Variants in ARHGAP26 observed in about 807,000 individuals in gnomAD.
ARHGAP26 encodes the protein rho GTPase-activating protein 26.
Under a neutral mutation model 104.8 loss-of-function variants are expected in ARHGAP26, and 38 were observed. That is an observed-to-expected ratio of 0.36 (90% confidence interval 0.28 to 0.48). The LOEUF (loss-of-function observed/expected upper bound fraction) is 0.48, where lower values mean the gene tolerates loss of function less well. ARHGAP26 is among the 20% of genes least tolerant of loss of function. The pLI, the probability that ARHGAP26 is intolerant of heterozygous loss-of-function variation, is 0.99. For synonymous variants in ARHGAP26, 341 were observed against 340.0 expected, an observed-to-expected ratio of 1.00 and a Z score of -0.03; for missense variants, 704 against 947.9, an observed-to-expected ratio of 0.74 and a Z score of 3.38.
intron 12 of ARHGAP26, among the ~76,000 whole-genome samples, chr5:143,028,003 G>C (rs201138665): frequency 6.6e-6 from 1 of 152,172 alleles, no homozygotes; most frequent in African/African-American, 2.4e-5. Flanking sequence ...ACAGCCCCCA[G>C]TTCCTTTCTG....
At chr5:142,914,950 A>G (rs1762287035) in intron 10 of ARHGAP26, among the ~76,000 whole-genome samples, 2 of 152,182 alleles carry the variant, frequency 1.3e-5, no homozygotes, top group Admixed American at 6.5e-5. Context: ...CCTAGAGATA[A>G]CCGTCTGCTG....
intron 1 of ARHGAP26, among the ~76,000 whole-genome samples, chr5:142,857,503 C>G (rs905240816): frequency 6.6e-6 from 1 of 152,142 alleles, no homozygotes; most frequent in Non-Finnish European, 1.5e-5. Context: ...TGGCCCTGCT[C>G]ATGCATGCCT....
intron 12 of ARHGAP26, among the ~76,000 whole-genome samples, chr5:143,028,923 T>C (rs556699629): frequency 6.6e-6 from 1 of 152,208 alleles, no homozygotes; most frequent in African/African-American, 2.4e-5. Context: ...GGATTAAAAA[T>C]TGGCTGTGGG....
intron 19 of ARHGAP26, among the ~76,000 whole-genome samples, chr5:143,137,683 G>T (rs149473573): frequency 0.013 from 2,030 of 152,280 alleles, 31 homozygotes; most frequent in Non-Finnish European, 0.018. Context: ...TGATGCACTT[G>T]CAAGTTAATG....
At chr5:142,793,088 C>T (rs1760187451) in intron 1 of ARHGAP26, among the ~76,000 whole-genome samples, 1 of 152,022 alleles carries the variant, frequency 6.6e-6, no homozygotes, top group East Asian at 1.9e-4. Flanking sequence ...TCCACTCCTG[C>T]CCTCGAGTAG....
intron 3 of ARHGAP26, among the ~76,000 whole-genome samples, chr5:142,876,776 C>CA (rs34843524): frequency 0.02 from 983 of 48,284 alleles, 34 homozygotes; most frequent in Non-Finnish European, 0.028. Flanking sequence ...GACCCTGTGT[C>CA]AAAAAAAAAA....
intron 11 of ARHGAP26, among the ~76,000 whole-genome samples, chr5:142,988,670 C>T (rs998740825): frequency 2.0e-5 from 3 of 152,148 alleles, no homozygotes; most frequent in Non-Finnish European, 4.4e-5. Flanking sequence ...AAATGTGTCC[C>T]AGAGATTCTG....
chr5:143,083,650 C>T (rs1790138354), intron 17 of ARHGAP26, among the ~76,000 whole-genome samples: 1 of 152,080 alleles, frequency 6.6e-6, no homozygotes, highest in Non-Finnish European at 1.5e-5. Flanking sequence ...AGGCACCTGC[C>T]ACTACACCCG....
intron 11 of ARHGAP26, among the ~76,000 whole-genome samples, chr5:142,939,485 C>G (rs1399031657): frequency 6.6e-6 from 1 of 152,220 alleles, no homozygotes; most frequent in South Asian, 2.1e-4. Flanking sequence ...TCTCACCTTT[C>G]TCTACCGTGC....
At chr5:142,775,170 G>A (rs1366614257) in intron 1 of ARHGAP26, among the ~76,000 whole-genome samples, 1 of 151,678 alleles carries the variant, frequency 6.6e-6, no homozygotes, top group Non-Finnish European at 1.5e-5. Flanking sequence ...TTTTTTTTAA[G>A]AACTGTCAAA....
intron 20 of ARHGAP26, among the ~76,000 whole-genome samples, chr5:143,171,324 C>A (rs1395461763): frequency 6.6e-6 from 1 of 152,124 alleles, no homozygotes; most frequent in Non-Finnish European, 1.5e-5. Context: ...CCTGTGTGAC[C>A]CCCAGCCAAC....
chr5:142,943,544 C>T (rs1766679412), intron 11 of ARHGAP26, among the ~76,000 whole-genome samples: 1 of 152,146 alleles, frequency 6.6e-6, no homozygotes, highest in African/African-American at 2.4e-5. Flanking sequence ...ATGATGTAAT[C>T]ACCCCATAAG....
At chr5:143,133,092 T>C (rs1157907491) in intron 18 of ARHGAP26, among the ~76,000 whole-genome samples, 1 of 152,124 alleles carries the variant, frequency 6.6e-6, no homozygotes, top group Non-Finnish European at 1.5e-5. Flanking sequence ...ATATAAGTAT[T>C]AGCTATTATA....
chr5:143,010,570 C>T (rs981844580), intron 11 of ARHGAP26, among the ~76,000 whole-genome samples: 5 of 152,172 alleles, frequency 3.3e-5, no homozygotes, highest in Non-Finnish European at 7.3e-5. Flanking sequence ...TTGTTAGCTT[C>T]ATTTCAAAAC....
chr5:142,931,097 G>A (rs1330378787), intron 10 of ARHGAP26, among the ~76,000 whole-genome samples: 2 of 152,200 alleles, frequency 1.3e-5, no homozygotes, highest in East Asian at 3.8e-4. Flanking sequence ...AAAGAGGATG[G>A]TTTTAACTAG....
At position 142,940,798 on chromosome 5, in the gene ARHGAP26, C is replaced by T. The variant is rs1348133267; in HGVS notation, c.1107+8673C>T. Among the ~76,000 whole-genome samples, 4 of 151,978 alleles carry T rather than the reference C, an allele frequency of 2.6e-5. No individual in the cohort carries two copies. In the East Asian group the frequency reaches 5.8e-4, roughly 22 times the overall value. On this transcript the variant is annotated intron_variant, in intron 11 of 22. Transcript: ENST00000645722. ...TGTCTTTATGGTTAAAGAATTTGGC[C>T]AGGTGCGGTGGCTCATGCCTGTAAT...
chr5:142,783,647 G>T (rs1033313640), intron 1 of ARHGAP26, among the ~76,000 whole-genome samples: 2 of 152,144 alleles, frequency 1.3e-5, no homozygotes, highest in South Asian at 4.1e-4. Context: ...ACCTGGAGGT[G>T]CCCCTGGGCA....
At chr5:143,076,113 C>G (rs536040927) in intron 17 of ARHGAP26, among the ~76,000 whole-genome samples, 2 of 151,712 alleles carry the variant, frequency 1.3e-5, no homozygotes, top group African/African-American at 4.8e-5. Context: ...GATCCTTACC[C>G]TCCCAAGTAA....
chr5:142,923,321 A>G (rs1414116498), intron 10 of ARHGAP26, among the ~76,000 whole-genome samples: 1 of 152,196 alleles, frequency 6.6e-6, no homozygotes, highest in Non-Finnish European at 1.5e-5. Context: ...CAAAACCAAA[A>G]ATGAGCTATT....
Sources: allele counts gnomAD v4.1 joint callset (sites outside exome capture counted in the v4.1 genomes callset), GRCh38; gene constraint gnomAD v4.1.1; transcripts MANE v1.5; gene names NCBI Gene and HGNC (gene_info 2026-07-23, HGNC 2026-07-21).